Variants in SNTG2 observed in about 807,000 individuals in gnomAD.
SNTG2 encodes syntrophin gamma 2.
SNTG2 carries 74 observed loss-of-function variants against 70.9 expected under a neutral mutation model. That is an observed-to-expected ratio of 1.04 (90% CI 0.86 to 1.27). The LOEUF is 1.27. Among genes scored for constraint, SNTG2 ranks in the 50% most tolerant of loss-of-function variants. SNTG2 has a pLI of 0.00. For synonymous variants in SNTG2, 278 were observed against 273.8 expected (o/e 1.02, Z -0.15); for missense variants, 717 against 690.7 (o/e 1.04, Z -0.43).
chr2:1,251,871 G>A (rs1056886363), intron 12 of SNTG2, among the ~76,000 whole-genome samples: 2 of 152,218 alleles, frequency 1.3e-5, no homozygotes, highest in African/African-American at 4.8e-5. Context: ...ACCATGGCGT[G>A]TGGATGTGAG....
Position 1,032,301 on chromosome 2 carries a change from A to G in SNTG2, c.73-51217A>G, listed in dbSNP as rs376426076. On this transcript the variant is annotated intron_variant, in intron 1 of 16. Transcript: ENST00000308624. ...CAGATTACACTGTACAGTGAAACAC[A>G]CAGTGAATAAATGTAACCGAGAAAT... Among the ~76,000 whole-genome samples the G allele has an allele frequency of 3.3e-5, 5 of 152,246 alleles. No individual in the cohort carries two copies. The East Asian group carries it at 9.6e-4, about 29-fold the overall frequency.
chr2:1,111,190 A>G (rs1409347500), intron 4 of SNTG2, among the ~76,000 whole-genome samples: 1 of 152,248 alleles, frequency 6.6e-6, no homozygotes, highest in Admixed American at 6.5e-5. Context: ...ATCAAAGTAT[A>G]AATAGAACTT....
chr2:1,109,956 G>T (rs1572453852), intron 4 of SNTG2, among the ~76,000 whole-genome samples: 1 of 152,348 alleles, frequency 6.6e-6, no homozygotes, highest in East Asian at 1.9e-4. Flanking sequence ...GCGCCAGGAA[G>T]TATCCTGAGC....
At chr2:1,104,328 G>A (rs1232885025) in intron 4 of SNTG2, among the ~76,000 whole-genome samples, 4 of 152,182 alleles carry the variant, frequency 2.6e-5, no homozygotes. Context: ...TAGTAATAGT[G>A]AAATTATTAA....
At chr2:1,192,322 C>A (rs1216572528) in intron 8 of SNTG2, among the ~76,000 whole-genome samples, 1 of 152,178 alleles carries the variant, frequency 6.6e-6, no homozygotes, top group African/African-American at 2.4e-5. Context: ...GTGCCAAGAT[C>A]ATTAGGGACC....
chr2:1,178,296 C>T (rs1416647861), intron 8 of SNTG2, among the ~76,000 whole-genome samples: 3 of 152,190 alleles, frequency 2.0e-5, no homozygotes, highest in African/African-American at 7.2e-5. Flanking sequence ...CCCTTTATTT[C>T]CTTCTCCTGC....
chr2:1,270,254 C>A (rs1445668821), intron 14 of SNTG2, among the ~76,000 whole-genome samples: 2 of 152,108 alleles, frequency 1.3e-5, no homozygotes, highest in Non-Finnish European at 2.9e-5. Context: ...GGACTCACTC[C>A]CTCTTCATGA....
chr2:965,552 CT>C (rs1192150433), intron 1 of SNTG2, among the ~76,000 whole-genome samples: 2 of 146,836 alleles, frequency 1.4e-5, no homozygotes, highest in Non-Finnish European at 2.9e-5. Flanking sequence ...CCTTGACCCC[CT>C]GGTCCTCTTC....
At chr2:1,247,573 C>A in intron 12 of SNTG2, 130 bp downstream of exon 12, 1 of 633,094 alleles carries the variant, frequency 1.6e-6, no homozygotes, top group Non-Finnish European at 2.8e-6. Flanking sequence ...GCTGTTTCTG[C>A]ATGGTTGGAA....
intron 1 of SNTG2, among the ~76,000 whole-genome samples, chr2:995,171 C>A (rs2147981699): frequency 6.6e-6 from 1 of 152,134 alleles, no homozygotes; most frequent in African/African-American, 2.4e-5. Flanking sequence ...CTCAGACTTT[C>A]TTCCTATGTA....
chr2:1,028,610 C>T (rs897813103), intron 1 of SNTG2, among the ~76,000 whole-genome samples: 5 of 152,184 alleles, frequency 3.3e-5, no homozygotes, highest in African/African-American at 1.2e-4. Context: ...CTCTGCTTTC[C>T]CTTCATGTGG....
At chr2:1,282,185 C>G (rs1477193266) in intron 14 of SNTG2, among the ~76,000 whole-genome samples, 1 of 152,060 alleles carries the variant, frequency 6.6e-6, no homozygotes, top group Admixed American at 6.5e-5. Flanking sequence ...TTCCAGACAC[C>G]TGGAGTGAGT....
intron 8 of SNTG2, among the ~76,000 whole-genome samples, chr2:1,196,773 C>T (rs1044339339): frequency 6.6e-6 from 1 of 151,998 alleles, no homozygotes; most frequent in Non-Finnish European, 1.5e-5. Context: ...GAATACTGTA[C>T]CTAGAAAAGC....
At chr2:1,335,930 G>A (rs957859566) in intron 16 of SNTG2, among the ~76,000 whole-genome samples, 1 of 152,154 alleles carries the variant, frequency 6.6e-6, no homozygotes, top group African/African-American at 2.4e-5. Flanking sequence ...CACAGTCATG[G>A]TTTACGTCAC....
At chr2:1,336,691 C>T (rs1659834630) in intron 16 of SNTG2, among the ~76,000 whole-genome samples, 1 of 152,104 alleles carries the variant, frequency 6.6e-6, no homozygotes, top group African/African-American at 2.4e-5. Flanking sequence ...ATCCAGTTTT[C>T]CCCACATCAT....
intron 1 of SNTG2, among the ~76,000 whole-genome samples, chr2:1,012,682 C>T (rs1361677828): frequency 3.3e-5 from 4 of 120,662 alleles, no homozygotes; most frequent in Non-Finnish European, 5.5e-5. Context: ...GAAGGGTGGT[C>T]TGGAGAAGGA....
intron 14 of SNTG2, among the ~76,000 whole-genome samples, chr2:1,306,561 G>T (rs1680676133): frequency 1.3e-5 from 2 of 152,216 alleles, no homozygotes; most frequent in Admixed American, 1.3e-4. Flanking sequence ...GACAGTGGAG[G>T]TCTTGTCAGG....
chr2:1,209,168 C>T lies in SNTG2; in HGVS notation c.657C>T (p.Thr219=). The change falls in exon 9 of 17, where the codon ACC becomes ACT. Residue 219 remains threonine, a synonymous_variant. Coordinates refer to ENST00000308624, the MANE Select transcript of SNTG2 (RefSeq NM_018968.4). ...DPRYEKRWLD[T]LSVPLSMARI... is the part of the protein sequence containing the mutation. ...GGTATGAGAAGCGCTGGCTGGACACCTTGTCCGTGCCTCTGTCCATGGCTC... is the reference window on the plus strand; with the variant it reads ...GGTATGAGAAGCGCTGGCTGGACACTTTGTCCGTGCCTCTGTCCATGGCTC... The T allele has an allele frequency of 6.2e-7, 1 of 1,613,974 alleles. No individual in the cohort carries two copies. The highest frequency in any genetic ancestry group is 8.5e-7 in the Non-Finnish European group (1 of 1,179,894).
At chr2:1,253,223 C>T (rs1429762268) in intron 12 of SNTG2, among the ~76,000 whole-genome samples, 1 of 152,138 alleles carries the variant, frequency 6.6e-6, no homozygotes, top group Non-Finnish European at 1.5e-5. Flanking sequence ...AGCACCCACC[C>T]ACCCTCCTCC....
Sources: gnomAD v4.1 joint callset for allele counts (sites outside exome capture counted in the v4.1 genomes callset) on GRCh38, gnomAD v4.1.1 for gene constraint, MANE v1.5 for transcripts, NCBI Gene and HGNC (gene_info 2026-07-23, HGNC 2026-07-21) for gene names.